The following ITGA7 variants were observed in gnomAD, a reference collection of about 807,000 sequenced individuals.
The protein encoded by ITGA7 is integrin subunit alpha 7.
Under a neutral mutation model 131.6 loss-of-function variants are expected in ITGA7, and 84 were observed. The observed-to-expected ratio is 0.64, with a 90% CI of 0.54 to 0.77. ITGA7 has a LOEUF of 0.77. ITGA7 is among the 30% of genes least tolerant of loss of function. The probability of loss-of-function intolerance (pLI) is 0.00; values close to 1 mark genes in which losing one functional copy is unlikely to be tolerated. For missense variants in ITGA7, 1,399 were observed against 1,482.9 expected (o/e 0.94, Z 0.93); for synonymous variants, 548 against 600.7 (o/e 0.91, Z 1.28).
At chr12:55,699,794 CA>C (rs1873539611) in intron 5 of ITGA7, 75 bp downstream of exon 5, 8 of 1,535,518 alleles carry the variant, frequency 5.2e-6, no homozygotes, top group Non-Finnish European at 7.1e-6. Context: ...TATAAGGCAC[CA>C]AAGGTCGAGT....
chr12:55,698,549 G>A lies in ITGA7; in HGVS notation c.1026C>T (p.Pro342=), dbSNP rs1409115926. Residue 342 remains proline, a synonymous_variant, in exon 7 of 25, where the codon CCC becomes CCT. Transcript: ENST00000257879. ...GCTCTTCTTGGCGCTCAAAGAAGTA[G>A]GGGGCACCCACTATCAGGTCTGGCC... is the stretch of plus-strand genomic sequence containing the variant. ...DGWPDLIVGA[P]YFFERQEELG... The A allele has an allele frequency of 6.2e-7, 1 of 1,614,126 alleles. No individual in the cohort carries two copies. The highest frequency in any genetic ancestry group is 1.1e-5 in the South Asian group (1 of 91,078).
chr12:55,712,258 A>G, upstream of ITGA7: 1 of 1,551,280 alleles, frequency 6.4e-7, no homozygotes, highest in Non-Finnish European at 8.7e-7. Context: ...GTCACTTACC[A>G]AAGGGAGCCA....
At chr12:55,706,311 G>A (rs981609779) in intron 1 of ITGA7, among the ~76,000 whole-genome samples, 4 of 151,930 alleles carry the variant, frequency 2.6e-5, no homozygotes, top group Admixed American at 6.6e-5. Flanking sequence ...AAAGTTTTGG[G>A]GACCACCGAC....
In ITGA7 at chr12:55,688,190, C is replaced by G. The variant is rs767729751; in HGVS notation, c.3057+12G>C. Reference sequence around the variant, plus strand: ...GAGTCCTCCCCACCTATCCCCCAACCCTGCAGCTCACCACTGTGGAGGCAT... The same window carrying G: ...GAGTCCTCCCCACCTATCCCCCAACGCTGCAGCTCACCACTGTGGAGGCAT... On this transcript the variant is annotated intron_variant, in intron 23 of 24. Transcript: ENST00000257879. 31 of 1,613,800 alleles carry G rather than the reference C, an allele frequency of 1.9e-5. No homozygotes were observed. The highest frequency in any genetic ancestry group is 1.3e-4 in the Admixed American group (8 of 60,000).
chr12:55,709,896 A>C (rs936516860), upstream of ITGA7, among the ~76,000 whole-genome samples: 3 of 152,278 alleles, frequency 2.0e-5, no homozygotes, highest in Admixed American at 6.5e-5. Context: ...AGAGAGAGAG[A>C]GGCCACCCAA....
chr12:55,702,890 C>A lies in ITGA7; in HGVS notation c.396G>T (p.Gly132=). 2 of 1,612,948 alleles carry A rather than the reference C, an allele frequency of 1.2e-6. No individual in the cohort carries two copies. The highest frequency in any genetic ancestry group is 1.1e-5 in the South Asian group (1 of 91,080). Residue 132 remains glycine (G), a synonymous_variant, in exon 3 of 25, where the codon GGG becomes GGT. Coordinates refer to ENST00000257879, the MANE Select transcript of ITGA7 (RefSeq NM_002206.3). ...QWLGVSVRSQ[G]PGGKIVTCAH... ...TACTCACAACAATCTTGCCCCCAGG[C>A]CCCTGGCTCCGAACACTGACTCCCA...
intron 24 of ITGA7, among the ~76,000 whole-genome samples, chr12:55,685,875 C>T (rs1869996440): frequency 6.6e-6 from 1 of 152,214 alleles, no homozygotes; most frequent in Non-Finnish European, 1.5e-5. Context: ...AGGCCCAGGA[C>T]TCCTACATGC....
chr12:55,707,765 T>C lies in ITGA7; in HGVS notation c.-83A>G. The C allele has an allele frequency of 6.5e-7, 1 of 1,544,624 alleles. No homozygotes were observed. The highest frequency in any genetic ancestry group is 8.7e-7 in the Non-Finnish European group (1 of 1,144,384). ...CCCCAGGTCCCCCCAGGCGCGTCTC[T>C]GGTCTCCAAAGTCTCGTTGGTCTTT... On this transcript the variant is annotated 5_prime_UTR_variant, in exon 1 of 25. Transcript: ENST00000257879.
chr12:55,714,720 A>ATACATACATATATACACATATATACG (rs1876382520), upstream of ITGA7, among the ~76,000 whole-genome samples: 2 of 140,094 alleles, frequency 1.4e-5, no homozygotes, highest in African/African-American at 5.9e-5. Context: ...ACATATATAC[A>ATACATACATATATACACATATATACG]TATACATACA....
chr12:55,716,042 G>C (rs1382063597), upstream of ITGA7: 5 of 1,547,502 alleles, frequency 3.2e-6, no homozygotes, highest in Non-Finnish European at 4.4e-6. Context: ...TGACACAGCG[G>C]TCACGTGACA....
chr12:55,685,135 C>T lies in ITGA7; in HGVS notation c.3337G>A (p.Asp1113Asn), dbSNP rs973238087. The part of the protein sequence containing the change: ...NWGSPRREGP[D>N]AHPILAADGH... ...TCAGCAGCCAGGATGGGGTGTGCAT[C>T]CGGGCCCTCCCGCCGGGGGCTGCCC... The change falls in exon 25 of 25, where the codon GAT becomes AAT. Residue 1113 changes from aspartate (D) to asparagine (N), a missense_variant. Asp to Asn is a conservative substitution (Grantham distance 23, BLOSUM62 1). Transcript: ENST00000257879. 1.2e-6 allele frequency: 2 copies of T among 1,613,328 alleles called. No individual in the cohort carries two copies. Among genetic ancestry groups the T allele is most frequent in the Non-Finnish European group, 1.7e-6 (2 of 1,180,004 alleles).
In ITGA7 at chr12:55,685,140, C is replaced by G; in HGVS notation, c.3332G>C (p.Gly1111Ala). 6.2e-7 allele frequency: 1 copy of G among 1,613,552 alleles called. No individual in the cohort carries two copies. Among genetic ancestry groups the G allele is most frequent in the Non-Finnish European group, 8.5e-7 (1 of 1,180,016 alleles). The part of the protein sequence containing the change: ...RNNWGSPRRE[G>A]PDAHPILAAD... ...AGCCAGGATGGGGTGTGCATCCGGGCCCTCCCGCCGGGGGCTGCCCCAGTT... is the reference window on the plus strand; with the variant it reads ...AGCCAGGATGGGGTGTGCATCCGGGGCCTCCCGCCGGGGGCTGCCCCAGTT... Residue 1111 changes from glycine to alanine, a missense_variant, in exon 25 of 25, where the codon GGC becomes GCC. Physicochemically the swap from Gly to Ala is moderately conservative, Grantham distance 60. Transcript: ENST00000257879.
chr12:55,700,540 TC>T, intron 4 of ITGA7: 3 of 934,958 alleles, frequency 3.2e-6, no homozygotes, highest in Non-Finnish European at 4.8e-6. Flanking sequence ...CTTCCTGGGG[TC>T]CCCCAGATGT....
At chr12:55,695,129 G>A in intron 14 of ITGA7, 159 bp from the exon 15 acceptor site, 1 of 679,378 alleles carries the variant, frequency 1.5e-6, no homozygotes, top group Non-Finnish European at 2.5e-6. Flanking sequence ...CTGTACACAC[G>A]ACTGGGAGTC....
chr12:55,686,089 A>C, intron 24 of ITGA7: 1 of 503,570 alleles, frequency 2.0e-6, no homozygotes, highest in Non-Finnish European at 3.4e-6. Flanking sequence ...CTCTCATGCA[A>C]TCTCATTTTT....
In ITGA7 at chr12:55,703,054, C is replaced by T; in HGVS notation, c.331G>A (p.Gly111Arg). The change falls in exon 2 of 25, where the codon GGA becomes AGA. Residue 111 changes from glycine (G) to arginine (R), a missense_variant. By Grantham distance (125) the Gly-to-Arg change is moderately radical. Transcript: ENST00000257879. ...CTCTGTTCATGCAGGGCCACACCTC[C>T]CTGGTCGATGTCCACTCTGTAGCAG... is the stretch of plus-strand genomic sequence containing the variant. ...TDCYRVDIDQGADMQKESKEN... is the reference protein window; with the variant it reads ...TDCYRVDIDQRADMQKESKEN... The T allele has an allele frequency of 1.2e-6, 2 of 1,614,118 alleles. No homozygotes were observed. The highest frequency in any genetic ancestry group is 1.7e-6 in the Non-Finnish European group (2 of 1,180,046).
Position 55,698,935 on chromosome 12 carries a change from T to TA in ITGA7, c.791-19dup. 6.3e-7 allele frequency: 1 copy of TA among 1,591,116 alleles called. No individual in the cohort carries two copies. Among genetic ancestry groups the TA allele is most frequent in the Non-Finnish European group, 8.6e-7 (1 of 1,168,242 alleles). ...AGAGAAGCCTGGGGGAAGGGTGACT[T>TA]ACCCCTAAGTCTTCACCCCAAGACT... On this transcript the variant is annotated intron_variant, in intron 5 of 24. Coordinates refer to ENST00000257879, the MANE Select transcript of ITGA7 (RefSeq NM_002206.3).
chr12:55,701,517 G>T, intron 3 of ITGA7: 1 of 1,167,404 alleles, frequency 8.6e-7, no homozygotes, highest in Non-Finnish European at 1.3e-6. Flanking sequence ...CCTGTCCCTG[G>T]ACCTTTGTAA....
At position 55,697,733 on chromosome 12, in the gene ITGA7, C is replaced by T. The variant is rs763530101; in HGVS notation, c.1371G>A (p.Leu457=). 17 of 1,614,024 alleles carry T rather than the reference C, an allele frequency of 1.1e-5. No individual in the cohort carries two copies. Among genetic ancestry groups the T allele is most frequent in the Admixed American group, 1.7e-5 (1 of 60,006 alleles). Residue 457 remains leucine, a synonymous_variant, in exon 9 of 25, where the codon CTG becomes CTA. Transcript: ENST00000257879. ...LDMDGNQYPD[L]LVGSLADTAV... ...CGGTGTCAGCCAGGGAGCCCACCAG[C>T]AGGTCAGGGTATTGGTTCCCATCCA...
Sources: allele counts gnomAD v4.1 joint callset (sites outside exome capture counted in the v4.1 genomes callset), GRCh38; gene constraint gnomAD v4.1.1; transcripts MANE v1.5; gene names NCBI Gene and HGNC (gene_info 2026-07-23, HGNC 2026-07-21).